Variants in COL21A1 observed in about 807,000 individuals in gnomAD.
The protein encoded by COL21A1 is collagen alpha-1(XXI) chain.
In COL21A1, 149 loss-of-function variants were observed where a neutral mutation model predicts 137.9. That is an observed-to-expected ratio of 1.08 (90% CI 0.95 to 1.24). COL21A1 has a LOEUF of 1.24. COL21A1 is among the 50% of genes most tolerant of loss of function. The probability of loss-of-function intolerance (pLI) is 0.00; values close to 1 mark genes in which losing one functional copy is unlikely to be tolerated. For synonymous variants in COL21A1, 456 were observed against 391.5 expected, an observed-to-expected ratio of 1.16 and a Z score of -1.95; for missense variants, 1,167 against 1,158.4, an observed-to-expected ratio of 1.01 and a Z score of -0.11.
intron 1 of COL21A1, among the ~76,000 whole-genome samples, chr6:56,365,145 A>C (rs535651931): frequency 1.3e-5 from 2 of 152,186 alleles, no homozygotes; most frequent in Non-Finnish European, 2.9e-5. Context: ...AGGAATAAAA[A>C]CAATTACAGC....
chr6:56,111,698 T>C (rs1030447427), intron 16 of COL21A1, among the ~76,000 whole-genome samples: 2 of 99,208 alleles, frequency 2.0e-5, no homozygotes, highest in Non-Finnish European at 4.0e-5. Flanking sequence ...ATCCCATCTC[T>C]ACTAAAAATA....
intron 1 of COL21A1, among the ~76,000 whole-genome samples, chr6:56,364,734 T>C (rs1300407513): frequency 1.3e-5 from 2 of 149,570 alleles, no homozygotes; most frequent in Admixed American, 6.7e-5. Flanking sequence ...CCCAATTTGC[T>C]AGATGTTATC....
chr6:56,172,684 G>A (rs1014062571), intron 3 of COL21A1, among the ~76,000 whole-genome samples: 8 of 152,020 alleles, frequency 5.3e-5, no homozygotes, highest in Non-Finnish European at 1.0e-4. Flanking sequence ...TGGTGTAAAA[G>A]TTAAAAGACA....
chr6:56,096,958 A>G (rs1769378126), intron 17 of COL21A1, among the ~76,000 whole-genome samples: 1 of 152,086 alleles, frequency 6.6e-6, no homozygotes, highest in African/African-American at 2.4e-5. Context: ...AAGCTTTTCC[A>G]CAAATGATAA....
intron 1 of COL21A1, among the ~76,000 whole-genome samples, chr6:56,385,085 G>A (rs561954603): frequency 3.2e-4 from 48 of 152,314 alleles, no homozygotes; most frequent in Admixed American, 9.2e-4. Context: ...GCACTAGAAA[G>A]GGTAGCACCG....
At chr6:56,071,481 G>A (rs1766750711) in intron 20 of COL21A1, among the ~76,000 whole-genome samples, 1 of 151,528 alleles carries the variant, frequency 6.6e-6, no homozygotes, top group African/African-American at 2.4e-5. Flanking sequence ...CCCAATGTCT[G>A]GCAAAAGCCC....
chr6:56,304,402 A>T (rs890104697), intron 1 of COL21A1, among the ~76,000 whole-genome samples: 1 of 152,108 alleles, frequency 6.6e-6, no homozygotes, highest in Non-Finnish European at 1.5e-5. Context: ...TATTGCCTCA[A>T]TTTCAGAGCC....
intron 10 of COL21A1, among the ~76,000 whole-genome samples, chr6:56,152,790 AT>A (rs1206945378): frequency 6.6e-6 from 1 of 152,090 alleles, no homozygotes; most frequent in East Asian, 1.9e-4. Flanking sequence ...GACCTAAATA[AT>A]TTAGCAGTGC....
chr6:56,120,298 G>GA (rs1772349222), intron 16 of COL21A1, among the ~76,000 whole-genome samples: 1 of 152,156 alleles, frequency 6.6e-6, no homozygotes, highest in African/African-American at 2.4e-5. Context: ...CATATGAAAA[G>GA]ATGTTCATCA....
At chr6:56,124,732 C>A (rs1290238435) in intron 14 of COL21A1, among the ~76,000 whole-genome samples, 1 of 152,080 alleles carries the variant, frequency 6.6e-6, no homozygotes, top group Non-Finnish European at 1.5e-5. Context: ...AGCTCCGCCT[C>A]CCGGGTTCAC....
intron 1 of COL21A1, among the ~76,000 whole-genome samples, chr6:56,349,143 G>A (rs1016473948): frequency 1.3e-5 from 2 of 152,104 alleles, no homozygotes; most frequent in Non-Finnish European, 2.9e-5. Context: ...CTTGGCTAGG[G>A]CACTAGGAAA....
chr6:56,079,306 A>G (rs772351397), intron 17 of COL21A1, among the ~76,000 whole-genome samples: 1 of 151,766 alleles, frequency 6.6e-6, no homozygotes, highest in Non-Finnish European at 1.5e-5. Flanking sequence ...TAACGGGCAC[A>G]TGTGATTACC....
intron 1 of COL21A1, among the ~76,000 whole-genome samples, chr6:56,307,326 G>A (rs1764487672): frequency 6.6e-6 from 1 of 152,250 alleles, no homozygotes; most frequent in Admixed American, 6.5e-5. Flanking sequence ...CAGAGGTGGA[G>A]TCTACAGAGG....
intron 16 of COL21A1, among the ~76,000 whole-genome samples, chr6:56,108,034 T>C (rs1414136933): frequency 1.3e-5 from 2 of 151,936 alleles, no homozygotes; most frequent in Non-Finnish European, 2.9e-5. Flanking sequence ...GCTCAAGGTA[T>C]GTAAAGGGAG....
At chr6:56,121,144 A>G (rs2764055) in intron 16 of COL21A1, among the ~76,000 whole-genome samples, 111,670 of 151,998 alleles carry the variant, frequency 0.73, 41,513 homozygotes, top group East Asian at 0.87. Flanking sequence ...ATGTATTTGT[A>G]GGAACTAATA....
At chr6:56,176,256 C>G (rs1001182775) in intron 3 of COL21A1, among the ~76,000 whole-genome samples, 2 of 151,370 alleles carry the variant, frequency 1.3e-5, no homozygotes, top group African/African-American at 4.9e-5. Context: ...ACAAAAAAAG[C>G]AAAAATAGAC....
chr6:56,252,027 C>T (rs563341868), upstream of COL21A1, among the ~76,000 whole-genome samples: 2 of 152,312 alleles, frequency 1.3e-5, no homozygotes, highest in African/African-American at 4.8e-5. Context: ...GGCTTTAAGC[C>T]ATCTTGTTTT....
intron 6 of COL21A1, among the ~76,000 whole-genome samples, 153 bp downstream of exon 6, chr6:56,167,971 C>A (rs2745368): frequency 0.017 from 2,655 of 152,208 alleles, 75 homozygotes; most frequent in African/African-American, 0.061. Flanking sequence ...TATACATATG[C>A]ATAATTTCAC....
At chr6:56,178,028 C>T (rs1397554403) in intron 3 of COL21A1, among the ~76,000 whole-genome samples, 1 of 152,052 alleles carries the variant, frequency 6.6e-6, no homozygotes, top group Admixed American at 6.5e-5. Flanking sequence ...CTCTTCTAAG[C>T]ACATCTACTC....
Sources: gnomAD v4.1 joint callset for allele counts (sites outside exome capture counted in the v4.1 genomes callset) on GRCh38, gnomAD v4.1.1 for gene constraint, MANE v1.5 for transcripts, NCBI Gene and HGNC (gene_info 2026-07-23, HGNC 2026-07-21) for gene names.